Variants in SH2D6 observed in about 807,000 individuals in gnomAD.
SH2D6 encodes the protein SH2 domain containing 6.
Under a neutral mutation model 30.2 loss-of-function variants are expected in SH2D6, and 31 were observed. The ratio of observed to expected loss-of-function variants is 1.03; its 90% CI spans 0.77 to 1.38. The LOEUF (loss-of-function observed/expected upper bound fraction) is 1.38. SH2D6 is among the 40% of genes most tolerant of loss of function. SH2D6 has a pLI of 0.00. For missense variants in SH2D6, 240 were observed against 266.8 expected (o/e 0.90, Z 0.70); for synonymous variants, 93 against 104.6 (o/e 0.89, Z 0.68).
At chr2:85,431,824 C>T (rs569477477) in intron 13 of SH2D6, 75 bp from the exon 14 acceptor site, 9 of 152,842 alleles carry the variant, frequency 5.9e-5, no homozygotes, top group Non-Finnish European at 1.0e-4. Flanking sequence ...CAAGTGGTCC[C>T]ATCCCATCCT....
rs1268601299 is a variant in SH2D6, at chr2:85,435,431, C to CAGCCT, written c.668_672dup (p.Trp225SerfsTer127). The CAGCCT allele has an allele frequency of 6.2e-7, 1 of 1,613,898 alleles. No individual in the cohort carries two copies. The highest frequency in any genetic ancestry group is 1.7e-5 in the Admixed American group (1 of 60,020). On this transcript the variant is annotated frameshift_variant, in exon 21 of 24. Coordinates refer to ENST00000469800, the MANE Select transcript of SH2D6 (RefSeq NM_001394463.1). LOFTEE classifies it high-confidence loss of function. ...TGCACAGGACAGTGATCTGCTGACT[C>CAGCCT]AGCCTTGGTACTCGGGGAACTGTGA...
Position 85,419,191 on chromosome 2 carries a change from T to A in SH2D6, c.-630T>A, listed in dbSNP as rs1180016050. The A allele has an allele frequency of 6.6e-6, 1 of 152,326 alleles. No individual in the cohort carries two copies. Among genetic ancestry groups the A allele is most frequent in the Non-Finnish European group, 1.5e-5 (1 of 68,084 alleles). 9.4% of individuals were successfully genotyped at this position (152,326 alleles called of 1,614,324 possible). ...CCCAGGGTGTGCAGGCCGCGGTATC[T>A]GACCATCGTCGGCGCCCTGCGCCCA... On this transcript the variant is annotated 5_prime_UTR_variant, in exon 2 of 24. Coordinates refer to ENST00000469800, the MANE Select transcript of SH2D6 (RefSeq NM_001394463.1).
chr2:85,434,206 G>C, intron 17 of SH2D6, 95 bp downstream of exon 17: 3 of 1,524,892 alleles, frequency 2.0e-6, no homozygotes, highest in Non-Finnish European at 1.8e-6. Context: ...CTGACCCTGG[G>C]ATGGAATCTC....
intron 7 of SH2D6, 60 bp downstream of exon 7, chr2:85,428,757 G>A (rs1219771935): frequency 6.6e-6 from 1 of 152,210 alleles, no homozygotes; most frequent in African/African-American, 2.4e-5. Flanking sequence ...GGTTATGGCA[G>A]CCTGAGCTGA....
intron 6 of SH2D6, among the ~76,000 whole-genome samples, chr2:85,426,903 G>A (rs1318405168): frequency 6.6e-6 from 1 of 152,206 alleles, no homozygotes; most frequent in Non-Finnish European, 1.5e-5. Flanking sequence ...CAACCCGTGG[G>A]ATCTGACTCT....
rs1339907556 is a variant in SH2D6, at chr2:85,435,069, A to C, written c.594A>C (p.Gly198=). 6.9e-7 allele frequency: 1 copy of C among 1,455,158 alleles called. No homozygotes were observed. Among genetic ancestry groups the C allele is most frequent in the African/African-American group, 1.5e-5 (1 of 65,938 alleles). The allele number at this position is 1,455,158 out of a possible 1,614,324, so 90.1% of individuals were successfully genotyped here. A position where few individuals can be genotyped will look rare whatever the true frequency, so the allele number is the denominator to read the frequency against. ...NGTADAASKE[G]RKSSLPSVAP... is the part of the protein sequence containing the mutation. ...TCAATAATCTGCTTCTTCTAGAAGG[A>C]AGGAAATCGTCTCTTCCCTCTGTAG... The change falls in exon 20 of 24, where the codon GGA becomes GGC. Residue 198 remains glycine, a synonymous_variant. Transcript: ENST00000469800.
In SH2D6 at chr2:85,435,801, C is replaced by T. The variant is rs766607807; in HGVS notation, c.868C>T (p.Arg290Trp). Residue 290 changes from arginine to tryptophan, a missense_variant, in exon 22 of 24, where the codon CGG (arginine) becomes TGG (tryptophan). Coordinates refer to ENST00000469800, the MANE Select transcript of SH2D6 (RefSeq NM_001394463.1). ...LDGGRHYALG[R>W]EGRNREELFS... ...TGGCGGACGCCACTATGCCCTGGGC[C>T]GGGAGGGCAGGAACCGTGAGGAGGT... 17 of 1,599,162 alleles carry T rather than the reference C, an allele frequency of 1.1e-5. No individual in the cohort carries two copies. The highest frequency in any genetic ancestry group is 1.0e-4 in the South Asian group (9 of 89,320).
chr2:85,425,116 G>A (rs146789840), intron 5 of SH2D6, among the ~76,000 whole-genome samples, 192 bp from the exon 6 acceptor site: 1 of 152,008 alleles, frequency 6.6e-6, no homozygotes, highest in Admixed American at 6.5e-5. Context: ...CAAGTATAAC[G>A]CCGTAACACT....
rs773985245 is a variant in SH2D6 at position 85,435,516 on chromosome 2, G to C, written c.732+20G>C. 1.2e-6 allele frequency: 2 copies of C among 1,611,022 alleles called. No individual in the cohort carries two copies. The highest frequency in any genetic ancestry group is 1.3e-5 in the African/African-American group (1 of 75,014). On this transcript the variant is annotated intron_variant, in intron 21 of 23. Transcript: ENST00000469800. ...CAAAAGGTGGGCAGCCACGGACCCC[G>C]GGTCTTCTCCAAAACCCCTTTTGCT...
Position 85,435,724 on chromosome 2 carries a change from T to C in SH2D6, c.791T>C (p.Leu264Pro), listed in dbSNP as rs764058365. The stretch of plus-strand genomic sequence containing the variant: ...CCTCATGGCTCCCAGCCCTTCACCC[T>C]GGCAGTGCTTCTCCGAGGCCGGGTC... The part of the protein sequence containing the change: ...SGPHGSQPFT[L>P]AVLLRGRVFN... The change falls in exon 22 of 24, where the codon CTG becomes CCG. Residue 264 changes from leucine to proline, a missense_variant. Coordinates refer to ENST00000469800, the MANE Select transcript of SH2D6 (RefSeq NM_001394463.1). 6.2e-7 allele frequency: 1 copy of C among 1,613,364 alleles called. No individual in the cohort carries two copies. The highest frequency in any genetic ancestry group is 1.1e-5 in the South Asian group (1 of 91,036).
chr2:85,431,999 GA>G (rs1688716360), intron 14 of SH2D6, 40 bp downstream of exon 14: 1 of 152,676 alleles, frequency 6.5e-6, no homozygotes. Flanking sequence ...TCCACCCTGG[GA>G]CGGGGAGTAC....
rs1433158321 is a variant in SH2D6, at chr2:85,430,853, T to A, written c.250+201T>A. Among the ~76,000 whole-genome samples, 3 of 22,824 alleles carry A rather than the reference T, an allele frequency of 1.3e-4. No individual in the cohort carries two copies. The highest frequency in any genetic ancestry group is 1.0e-3 in the Admixed American group (2 of 1,964). The allele number at this position is 22,824 out of a possible 152,430, so 15.0% of individuals were successfully genotyped here. On this transcript the variant is annotated intron_variant, in intron 12 of 23. Coordinates refer to ENST00000469800, the MANE Select transcript of SH2D6 (RefSeq NM_001394463.1). The surrounding 1 kb of genome is among the most constrained non-coding windows in gnomAD (Gnocchi z 4.3). ...GATGAAGGAACGGAGGGAGGGAGGG[T>A]GGGAGGGAGGAAGAAGAGTGGGAAG...
intron 5 of SH2D6, among the ~76,000 whole-genome samples, chr2:85,424,447 T>A (rs1687890304): frequency 6.6e-6 from 1 of 152,190 alleles, no homozygotes; most frequent in African/African-American, 2.4e-5. Context: ...TGGATTTTTT[T>A]AAATTATAAA....
chr2:85,426,246 CTCTG>C (rs1362289220), intron 6 of SH2D6, among the ~76,000 whole-genome samples: 2 of 152,214 alleles, frequency 1.3e-5, no homozygotes. Context: ...TCGCCATCTT[CTCTG>C]TCTGCTGGCA....
chr2:85,432,987 T>C (rs1051127609), intron 14 of SH2D6, 112 bp from the exon 15 acceptor site: 6 of 883,586 alleles, frequency 6.8e-6, no homozygotes, highest in Non-Finnish European at 8.1e-6. Context: ...GGCTCTGAGA[T>C]GTCCTCCTCG....
intron 6 of SH2D6, among the ~76,000 whole-genome samples, chr2:85,426,889 C>T (rs1191359714): frequency 3.3e-5 from 5 of 152,204 alleles, no homozygotes; most frequent in Admixed American, 2.6e-4. Context: ...GGGGACTGAG[C>T]CCTCAACCCG....
chr2:85,433,757 T>C, intron 16 of SH2D6, 126 bp downstream of exon 16: 1 of 754,236 alleles, frequency 1.3e-6, no homozygotes, highest in Non-Finnish European at 1.9e-6. Flanking sequence ...AACACGCATT[T>C]GCCTTCAGTC....
chr2:85,435,194 A>G, intron 20 of SH2D6, 71 bp downstream of exon 20: 1 of 1,496,244 alleles, frequency 6.7e-7, no homozygotes, highest in East Asian at 2.3e-5. Flanking sequence ...TTACCCAGGA[A>G]CCCTCTTGGG....
At position 85,423,214 on chromosome 2, in the gene SH2D6, TTTTTG is replaced by T. The variant is rs1169709330; in HGVS notation, c.-309+544_-309+548del. Among the ~76,000 whole-genome samples, 417 of 150,018 alleles carry T rather than the reference TTTTTG, an allele frequency of 2.8e-3. 2 individuals carry two copies. Among genetic ancestry groups the T allele is most frequent in the African/African-American group, 8.5e-3 (347 of 40,762 alleles). ...GTTTTTTTTTTTGTTGTTGTTGTTG[TTTTTG>T]TTTTGTTTTGTTTTGTTTTTTGAGA... On this transcript the variant is annotated intron_variant, in intron 5 of 23. Transcript: ENST00000469800.
Sources: allele counts gnomAD v4.1 joint callset (sites outside exome capture counted in the v4.1 genomes callset), GRCh38; gene constraint gnomAD v4.1.1; non-coding constraint Gnocchi (gnomAD v3.1); transcripts MANE v1.5; gene names NCBI Gene and HGNC (gene_info 2026-07-23, HGNC 2026-07-21).